The following COL18A1 variants were observed in gnomAD, a reference collection of about 807,000 sequenced individuals.
COL18A1 encodes collagen type XVIII alpha 1 chain, also known as collagen alpha-1(XVIII) chain.
Under a neutral mutation model 168.0 loss-of-function variants are expected in COL18A1, and 133 were observed. That is an observed-to-expected ratio of 0.79 (90% CI 0.69 to 0.91). COL18A1 has a LOEUF of 0.91. Among genes scored for constraint, COL18A1 ranks in the 40% least tolerant of loss-of-function variants. The pLI is 0.00. For missense variants in COL18A1, 2,126 were observed against 1,925.4 expected, an observed-to-expected ratio of 1.10 and a Z score of -1.95; for synonymous variants, 949 against 809.0, an observed-to-expected ratio of 1.17 and a Z score of -2.94.
In COL18A1 at chr21:45,431,797, G is replaced by A. The variant is rs569002890; in HGVS notation, c.106+26324G>A. Reference sequence around the variant, plus strand: ...CAGGCCGTCGCGGACGGTCTAAGCCGCGCGCATTGGTGGGGGCAGCAGAGC... The same window carrying A: ...CAGGCCGTCGCGGACGGTCTAAGCCACGCGCATTGGTGGGGGCAGCAGAGC... On this transcript the variant is annotated intron_variant, in intron 2 of 41. Coordinates refer to ENST00000651438, the MANE Select transcript of COL18A1 (RefSeq NM_001379500.1). Among the ~76,000 whole-genome samples the A allele has an allele frequency of 2.3e-3, 347 of 152,226 alleles. 3 individuals are homozygous for A. Among genetic ancestry groups the A allele is most frequent in the Non-Finnish European group, 3.7e-3 (249 of 67,994 alleles).
At chr21:45,494,481 CAGAG>C (rs1281464230) in intron 26 of COL18A1, 60 bp from the exon 27 acceptor site, 10 of 1,611,464 alleles carry the variant, frequency 6.2e-6, no homozygotes, top group Admixed American at 5.0e-5. Flanking sequence ...CAGGGGCCCT[CAGAG>C]AGGCTGCCAG....
intron 32 of COL18A1, among the ~76,000 whole-genome samples, chr21:45,503,256 C>T (rs374955243): frequency 2.3e-4 from 32 of 142,094 alleles, no homozygotes; most frequent in African/African-American, 5.2e-4. Context: ...TTTTAACGAT[C>T]GCCATTCTAA....
At chr21:45,454,008 C>T (rs2034717612) in intron 2 of COL18A1, among the ~76,000 whole-genome samples, 2 of 152,184 alleles carry the variant, frequency 1.3e-5, no homozygotes, top group Non-Finnish European at 1.5e-5. Flanking sequence ...TCTGGAATTT[C>T]TGTTTGGAGA....
chr21:45,507,445 C>T (rs1480372696), intron 37 of COL18A1, 116 bp from the exon 38 acceptor site: 1 of 712,324 alleles, frequency 1.4e-6, no homozygotes, highest in African/African-American at 2.6e-5. Context: ...GGAGGGCACC[C>T]TCCTGTGGGC....
At chr21:45,432,821 G>A (rs1023906427) in intron 2 of COL18A1, among the ~76,000 whole-genome samples, 11 of 152,186 alleles carry the variant, frequency 7.2e-5, no homozygotes, top group Non-Finnish European at 1.5e-4. Flanking sequence ...TGCTCTGTGA[G>A]CCAGCCCTGT....
At chr21:45,509,284 A>G (rs1367809879) in intron 38 of COL18A1, 72 bp from the exon 39 acceptor site, 1 of 1,529,122 alleles carries the variant, frequency 6.5e-7, no homozygotes, top group African/African-American at 1.4e-5. Flanking sequence ...CCCAGCCCAG[A>G]GGAGGACACA....
chr21:45,496,973 C>A, intron 30 of COL18A1, 77 bp from the exon 31 acceptor site: 3 of 986,138 alleles, frequency 3.0e-6, no homozygotes, highest in Non-Finnish European at 3.3e-6. Flanking sequence ...TGCTTCTGGG[C>A]TTGGGGACCC....
intron 6 of COL18A1, 136 bp downstream of exon 6, chr21:45,476,616 G>T: frequency 1.8e-6 from 2 of 1,105,274 alleles, no homozygotes; most frequent in South Asian, 2.7e-5. Context: ...ATGTGTGTGT[G>T]ATATGGCACG....
At chr21:45,445,668 T>A (rs952914891) in intron 2 of COL18A1, among the ~76,000 whole-genome samples, 1 of 152,226 alleles carries the variant, frequency 6.6e-6, no homozygotes, top group African/African-American at 2.4e-5. Context: ...AAGCAGTGTC[T>A]TGTGGTTTTC....
At chr21:45,506,138 G>A (rs952611620) in intron 37 of COL18A1, 172 bp downstream of exon 37, 9 of 1,047,388 alleles carry the variant, frequency 8.6e-6, no homozygotes, top group Non-Finnish European at 1.3e-5. Context: ...TTTGTGAGCA[G>A]TTTTGGGTTT....
intron 2 of COL18A1, among the ~76,000 whole-genome samples, chr21:45,466,476 G>A (rs2035217634): frequency 6.6e-6 from 1 of 150,842 alleles, no homozygotes; most frequent in South Asian, 2.1e-4. Flanking sequence ...CACCCGGGAA[G>A]GCTGAGCTCT....
At chr21:45,413,263 C>T (rs1426340922) in intron 2 of COL18A1, among the ~76,000 whole-genome samples, 1 of 152,244 alleles carries the variant, frequency 6.6e-6, no homozygotes, top group Non-Finnish European at 1.5e-5. Flanking sequence ...CCGCGCTGTG[C>T]CTGCTGAACT....
intron 2 of COL18A1, among the ~76,000 whole-genome samples, chr21:45,432,907 C>CT (rs2034001553): frequency 6.6e-6 from 1 of 152,260 alleles, no homozygotes; most frequent in Non-Finnish European, 1.5e-5. Context: ...AGACAGATGC[C>CT]TGTGCCAACC....
chr21:45,457,376 A>G lies in COL18A1; in HGVS notation c.107-10866A>G, dbSNP rs2034872552. Among the ~76,000 whole-genome samples the G allele has an allele frequency of 2.0e-5, 3 of 152,134 alleles. No homozygotes were observed. The South Asian group carries it at 6.2e-4, about 32-fold the overall frequency. ...GCCGCGTGGGCAGTGCAGAGACCCTACCAGCGTGGGGACCAGGGAGGTCTG... is the reference window on the plus strand; with the variant it reads ...GCCGCGTGGGCAGTGCAGAGACCCTGCCAGCGTGGGGACCAGGGAGGTCTG... On this transcript the variant is annotated intron_variant, in intron 2 of 41. Transcript: ENST00000651438. The surrounding 1 kb of genome is among the most constrained non-coding windows in gnomAD (Gnocchi z 4.6).
At chr21:45,456,647 T>G (rs1322367339) in intron 2 of COL18A1, 3 of 1,535,542 alleles carry the variant, frequency 2.0e-6, no homozygotes, top group Non-Finnish European at 1.7e-6. Context: ...GGCACGGGCG[T>G]GGGGGGGCCT....
Position 45,498,882 on chromosome 21 carries a change from C to CA in COL18A1, c.2683+1222dup, listed in dbSNP as rs2036639358. On this transcript the variant is annotated intron_variant, in intron 32 of 41. Transcript: ENST00000651438. The surrounding 1 kb of genome is among the most constrained non-coding windows in gnomAD (Gnocchi z 4.5). The stretch of plus-strand genomic sequence containing the variant: ...AGAGAGCTGGGAAGCTCAGAGGTGT[C>CA]AGGATGAACCTGGGGCTGAAGGCGG... Among the ~76,000 whole-genome samples, 3 of 152,190 alleles carry CA rather than the reference C, an allele frequency of 2.0e-5. No homozygotes were observed. The highest frequency in any genetic ancestry group is 7.2e-5 in the African/African-American group (3 of 41,438).
Position 45,512,549 on chromosome 21 carries a change from A to C in COL18A1, c.*151A>C, listed in dbSNP as rs755756703. The C allele has an allele frequency of 1.4e-6, 1 of 707,388 alleles. No homozygotes were observed. The highest frequency in any genetic ancestry group is 2.7e-5 in the Admixed American group (1 of 36,780). The allele number at this position is 707,388 out of a possible 1,614,324, so 43.8% of individuals were successfully genotyped here. ...CGTTTCATGTAATCCTCAAGAAATAAAAGGAAGCCAAAGAGTGTATTTTTT... is the reference window on the plus strand; with the variant it reads ...CGTTTCATGTAATCCTCAAGAAATACAAGGAAGCCAAAGAGTGTATTTTTT... On this transcript the variant is annotated 3_prime_UTR_variant, in exon 42 of 42. Transcript: ENST00000651438.
At chr21:45,481,630 A>G (rs2035898591) in intron 13 of COL18A1, among the ~76,000 whole-genome samples, 1 of 152,232 alleles carries the variant, frequency 6.6e-6, no homozygotes, top group East Asian at 1.9e-4. Context: ...TCTGAGGGGA[A>G]TTTGGGCTTA....
intron 13 of COL18A1, among the ~76,000 whole-genome samples, chr21:45,481,756 C>T (rs967760950): frequency 6.6e-6 from 1 of 152,242 alleles, no homozygotes; most frequent in African/African-American, 2.4e-5. Flanking sequence ...TCGGCTCTGC[C>T]ATCTCATCCT....
Sources: gnomAD v4.1 joint callset for allele counts (sites outside exome capture counted in the v4.1 genomes callset) on GRCh38, gnomAD v4.1.1 for gene constraint, Gnocchi (gnomAD v3.1) non-coding constraint, MANE v1.5 for transcripts, NCBI Gene and HGNC (gene_info 2026-07-23, HGNC 2026-07-21) for gene names.